The following RTTN variants were observed in gnomAD, a reference collection of about 807,000 sequenced individuals.
The protein encoded by RTTN is rotatin.
In RTTN, 182 loss-of-function variants were observed where a neutral mutation model predicts 269.2. The observed-to-expected ratio is 0.68, with a 90% CI of 0.60 to 0.76. The LOEUF (loss-of-function observed/expected upper bound fraction) is 0.76, where lower values mean the gene tolerates loss of function less well. Ranked by LOEUF, RTTN falls within the 30% of genes least tolerant of loss-of-function variation. The pLI is 0.00. For synonymous variants in RTTN, 1,006 were observed against 963.5 expected, an observed-to-expected ratio of 1.04 and a Z score of -0.82; for missense variants, 2,545 against 2,608.6, an observed-to-expected ratio of 0.98 and a Z score of 0.53.
At chr18:70,132,563 A>G (rs2060024669) in intron 23 of RTTN, among the ~76,000 whole-genome samples, 1 of 152,026 alleles carries the variant, frequency 6.6e-6, no homozygotes, top group Non-Finnish European at 1.5e-5. Flanking sequence ...CATCAATAAA[A>G]AAAAATCACA....
At chr18:70,040,822 A>G (rs2057317950) in intron 40 of RTTN, among the ~76,000 whole-genome samples, 1 of 152,220 alleles carries the variant, frequency 6.6e-6, no homozygotes, top group African/African-American at 2.4e-5. Flanking sequence ...AACAAGAGGA[A>G]TTTTGGAAAC....
rs1356047313 is a variant in RTTN at position 70,028,780 on chromosome 18, A to T, written c.5767T>A (p.Leu1923Ile). 12 of 1,611,416 alleles carry T rather than the reference A, an allele frequency of 7.4e-6. No individual in the cohort carries two copies. In the Admixed American group the frequency reaches 1.0e-4, roughly 13 times the overall value. Residue 1923 changes from leucine (L) to isoleucine (I), a missense_variant, in exon 43 of 49, where the codon TTA becomes ATA. Leu to Ile is a conservative substitution (Grantham distance 5, BLOSUM62 2). Transcript: ENST00000640769. ...KKKEDGVIKELSIAMQLLRNC... is the reference protein window; with the variant it reads ...KKKEDGVIKEISIAMQLLRNC... ...CTTAGGAGCTGCATGGCAATGCTTA[A>T]CTCTTTAATAACACCATCCTCCTAT...
Position 70,150,627 on chromosome 18 carries a change from A to T in RTTN, c.2036T>A (p.Ile679Asn). The T allele has an allele frequency of 6.2e-7, 1 of 1,612,468 alleles. No homozygotes were observed. Among genetic ancestry groups the T allele is most frequent in the Non-Finnish European group, 8.5e-7 (1 of 1,178,936 alleles). The change falls in exon 15 of 49, where the codon ATT becomes AAT. Residue 679 changes from isoleucine to asparagine, a missense_variant. Coordinates refer to ENST00000640769, the MANE Select transcript of RTTN (RefSeq NM_173630.4). ...TCATACCTCACTTTCGGGCTCTTGA[A>T]TGCCAAATACAGAGATTTCATACAG... Reference protein sequence around the residue: ...KVLYEISVFGIQEPESEVNTA... With the variant: ...KVLYEISVFGNQEPESEVNTA...
chr18:70,181,328 T>C (rs1184881910), intron 10 of RTTN, among the ~76,000 whole-genome samples: 1 of 152,198 alleles, frequency 6.6e-6, no homozygotes. Flanking sequence ...GTCTAGGTTA[T>C]CTGGCAGGAG....
intron 32 of RTTN, among the ~76,000 whole-genome samples, chr18:70,076,280 A>C (rs2058427923): frequency 6.6e-6 from 1 of 152,052 alleles, no homozygotes; most frequent in African/African-American, 2.4e-5. Flanking sequence ...ATTTTCTGGG[A>C]AATGATAATA....
chr18:70,131,181 A>C (rs768955478), intron 23 of RTTN: 8 of 150,302 alleles, frequency 5.3e-5, no homozygotes, highest in Non-Finnish European at 1.2e-4. Flanking sequence ...ATCATTGCTA[A>C]TATAAGTGCA....
intron 30 of RTTN, among the ~76,000 whole-genome samples, chr18:70,088,587 A>G (rs10513991): frequency 0.072 from 10,898 of 152,254 alleles, 789 homozygotes; most frequent in African/African-American, 0.18. Context: ...ATCATTTTAC[A>G]AGGCATTTCG....
chr18:70,124,307 C>T (rs1455947082), intron 25 of RTTN, among the ~76,000 whole-genome samples: 1 of 152,012 alleles, frequency 6.6e-6, no homozygotes, highest in Non-Finnish European at 1.5e-5. Context: ...GCTGAGGCTG[C>T]ATGGCCAACT....
chr18:70,092,203 C>G lies in RTTN; in HGVS notation c.4050G>C (p.Trp1350Cys). The change falls in exon 30 of 49, where the codon TGG (tryptophan) becomes TGC (cysteine). Residue 1350 changes from tryptophan to cysteine, a missense_variant. Coordinates refer to ENST00000640769, the MANE Select transcript of RTTN (RefSeq NM_173630.4). ...CACTATGACTACCCAAAGGCAAGAA[C>G]CAAAGTGACATCCACTCCTAGAGGG... ...QAGSLEWMSL[W>C]FLPLGSHSEE... 1 of 1,609,182 alleles carries G rather than the reference C, an allele frequency of 6.2e-7. No individual in the cohort carries two copies. The highest frequency in any genetic ancestry group is 1.1e-5 in the South Asian group (1 of 90,938).
chr18:70,091,274 C>G (rs2058838225), intron 30 of RTTN, among the ~76,000 whole-genome samples: 1 of 152,122 alleles, frequency 6.6e-6, no homozygotes, highest in Non-Finnish European at 1.5e-5. Flanking sequence ...AAACTATGAA[C>G]TGAATTGCGT....
At chr18:70,122,623 C>T (rs905808051) in intron 25 of RTTN, among the ~76,000 whole-genome samples, 1 of 152,092 alleles carries the variant, frequency 6.6e-6, no homozygotes, top group Admixed American at 6.6e-5. Context: ...CACAGTCACA[C>T]GGCTAGCAAG....
chr18:70,067,510 A>G (rs554917114), intron 34 of RTTN, among the ~76,000 whole-genome samples: 1 of 152,310 alleles, frequency 6.6e-6, no homozygotes, highest in South Asian at 2.1e-4. Flanking sequence ...AATGAGAGAT[A>G]TGTGAAAAAA....
At chr18:70,056,599 T>A (rs1276699336) in intron 37 of RTTN, among the ~76,000 whole-genome samples, 1 of 152,214 alleles carries the variant, frequency 6.6e-6, no homozygotes, top group African/African-American at 2.4e-5. Flanking sequence ...TGGAGCTGAC[T>A]GTGCCCCTCT....
chr18:70,019,948 A>C (rs550772153), intron 45 of RTTN: 5 of 152,344 alleles, frequency 3.3e-5, no homozygotes, highest in Non-Finnish European at 7.3e-5. Flanking sequence ...GGAAACACTC[A>C]AATTACAATA....
chr18:70,061,724 C>T, intron 35 of RTTN, among the ~76,000 whole-genome samples: 1 of 152,038 alleles, frequency 6.6e-6, no homozygotes, highest in South Asian at 2.1e-4. Context: ...TTAATCCTGG[C>T]TACTCGGGAT....
At chr18:70,015,022 T>TA (rs776756600) in intron 46 of RTTN, among the ~76,000 whole-genome samples, 31 of 152,170 alleles carry the variant, frequency 2.0e-4, no homozygotes, top group Non-Finnish European at 4.1e-4. Flanking sequence ...TCTAGCATGT[T>TA]ATTGTCGTTT....
At chr18:70,138,151 C>A (rs2060169205) in intron 21 of RTTN, 1 of 152,280 alleles carries the variant, frequency 6.6e-6, no homozygotes, top group African/African-American at 2.4e-5. Flanking sequence ...TGGTGGCAGG[C>A]ACCTGTAATC....
intron 34 of RTTN, among the ~76,000 whole-genome samples, chr18:70,068,801 C>T (rs2058217796): frequency 6.6e-6 from 1 of 152,178 alleles, no homozygotes; most frequent in Admixed American, 6.5e-5. Flanking sequence ...TTTTCCCTCG[C>T]TTTCACATCT....
At chr18:70,183,037 C>G (rs1405970691) in intron 10 of RTTN, among the ~76,000 whole-genome samples, 1 of 152,140 alleles carries the variant, frequency 6.6e-6, no homozygotes, top group African/African-American at 2.4e-5. Flanking sequence ...CGTAAAACTT[C>G]CAATTCTGGC....
Sources: gnomAD v4.1 joint callset for allele counts (sites outside exome capture counted in the v4.1 genomes callset) on GRCh38, gnomAD v4.1.1 for gene constraint, MANE v1.5 for transcripts, NCBI Gene and HGNC (gene_info 2026-07-23, HGNC 2026-07-21) for gene names.